Variants in PCCA observed in about 807,000 individuals in gnomAD.
PCCA encodes propionyl-CoA carboxylase subunit alpha.
Under a neutral mutation model 101.3 loss-of-function variants are expected in PCCA, and 74 were observed. The observed-to-expected ratio is 0.73, with a 90% confidence interval of 0.61 to 0.89. The LOEUF (loss-of-function observed/expected upper bound fraction) is 0.89. Ranked by LOEUF, PCCA falls within the 40% of genes least tolerant of loss-of-function variation. The probability of loss-of-function intolerance (pLI) is 0.00; values close to 1 mark genes in which losing one functional copy is unlikely to be tolerated. For missense variants in PCCA, 891 were observed against 907.0 expected, an observed-to-expected ratio of 0.98 and a Z score of 0.23; for synonymous variants, 294 against 313.6, an observed-to-expected ratio of 0.94 and a Z score of 0.66.
intron 2 of PCCA, among the ~76,000 whole-genome samples, chr13:100,103,792 C>T (rs1185587700): frequency 4.0e-5 from 6 of 151,858 alleles, no homozygotes; most frequent in Admixed American, 1.3e-4. Flanking sequence ...CGCCCCACCA[C>T]GCCCGTCTAA....
chr13:100,418,081 C>T (rs569178614), intron 19 of PCCA, among the ~76,000 whole-genome samples: 5 of 152,322 alleles, frequency 3.3e-5, no homozygotes, highest in African/African-American at 1.2e-4. Context: ...TGTATTTTCT[C>T]TCCATCCACA....
Position 100,370,121 on chromosome 13 carries a change from G to A in PCCA, c.1746+1547G>A, listed in dbSNP as rs371337620. Among the ~76,000 whole-genome samples, 224 of 110,940 alleles carry A rather than the reference G, an allele frequency of 2.0e-3. 1 individual carries two copies. Among genetic ancestry groups the A allele is most frequent in the African/African-American group, 7.3e-3 (208 of 28,334 alleles). 72.8% of individuals were successfully genotyped at this position (110,940 alleles called of 152,430 possible). A position where few individuals can be genotyped will look rare whatever the true frequency, so the allele number is the denominator to read the frequency against. On this transcript the variant is annotated intron_variant, in intron 19 of 23. Transcript: ENST00000376285. ...TTTTGAGACAGAGTCTTGCTCTGTC[G>A]CCCAGAGGCTGGAGTGCAGTGGCAT...
chr13:100,437,184 C>T (rs563895746), intron 20 of PCCA, among the ~76,000 whole-genome samples: 22 of 152,286 alleles, frequency 1.4e-4, no homozygotes, highest in Admixed American at 7.2e-4. Context: ...TCTCACTGTC[C>T]GTTGCTGGGT....
chr13:100,301,784 G>A (rs1179265859), intron 13 of PCCA, among the ~76,000 whole-genome samples, 181 bp downstream of exon 13: 1 of 152,174 alleles, frequency 6.6e-6, no homozygotes, highest in Non-Finnish European at 1.5e-5. Context: ...TAGTTTTAAA[G>A]AATTGGGCTT....
chr13:100,371,244 G>A (rs1248095366), intron 19 of PCCA, among the ~76,000 whole-genome samples: 1 of 152,134 alleles, frequency 6.6e-6, no homozygotes, highest in Non-Finnish European at 1.5e-5. Flanking sequence ...AAAAAGGAAA[G>A]TTGCAACAAT....
At chr13:100,390,845 G>C (rs1012042241) in intron 19 of PCCA, among the ~76,000 whole-genome samples, 2 of 152,218 alleles carry the variant, frequency 1.3e-5, no homozygotes, top group African/African-American at 2.4e-5. Flanking sequence ...ATGCGGACAA[G>C]TGGAGTGAAT....
chr13:100,314,495 C>T (rs192902872), intron 16 of PCCA, among the ~76,000 whole-genome samples: 1 of 152,126 alleles, frequency 6.6e-6, no homozygotes, highest in Non-Finnish European at 1.5e-5. Flanking sequence ...AAGTTCCAAC[C>T]CCTTAATCAC....
chr13:100,104,829 G>T (rs1464177986), intron 2 of PCCA, among the ~76,000 whole-genome samples: 1 of 151,794 alleles, frequency 6.6e-6, no homozygotes, highest in Non-Finnish European at 1.5e-5. Context: ...TCAGCCTCCC[G>T]AGTAGCTGGG....
At chr13:100,126,230 A>G (rs189940438) in intron 4 of PCCA, among the ~76,000 whole-genome samples, 6 of 152,326 alleles carry the variant, frequency 3.9e-5, no homozygotes, top group African/African-American at 1.2e-4. Flanking sequence ...CCTTATATGT[A>G]TAAAAATAGA....
intron 19 of PCCA, among the ~76,000 whole-genome samples, chr13:100,369,563 T>C (rs1053504722): frequency 6.6e-6 from 1 of 152,196 alleles, no homozygotes; most frequent in African/African-American, 2.4e-5. Context: ...GCTGACATTC[T>C]TGTGTGGTGT....
At chr13:100,159,301 G>T (rs1017820942) in intron 6 of PCCA, among the ~76,000 whole-genome samples, 1 of 151,752 alleles carries the variant, frequency 6.6e-6, no homozygotes, top group Non-Finnish European at 1.5e-5. Context: ...ATTTTAGTCA[G>T]GCTGGTCTTG....
chr13:100,486,874 G>C (rs9513759), intron 21 of PCCA, among the ~76,000 whole-genome samples: 38,007 of 152,110 alleles, frequency 0.25, 4,897 homozygotes, highest in African/African-American at 0.28. Context: ...AGCTGTGATC[G>C]TACCACTGCA....
intron 6 of PCCA, among the ~76,000 whole-genome samples, chr13:100,201,738 T>C (rs1057262223): frequency 1.3e-5 from 2 of 151,488 alleles, no homozygotes; most frequent in Non-Finnish European, 2.9e-5. Flanking sequence ...ATGCCTGTAA[T>C]CCCAGCTACT....
At chr13:100,422,098 C>CT (rs776002344) in intron 19 of PCCA, among the ~76,000 whole-genome samples, 1 of 123,356 alleles carries the variant, frequency 8.1e-6, no homozygotes, top group South Asian at 2.5e-4. Flanking sequence ...TTCTTTCTTT[C>CT]TTTCTTTCTT....
At chr13:100,297,336 T>C (rs1475487052) in intron 12 of PCCA, among the ~76,000 whole-genome samples, 2 of 152,222 alleles carry the variant, frequency 1.3e-5, no homozygotes, top group African/African-American at 4.8e-5. Context: ...TAGTTTGTAT[T>C]TAGTGAGGAA....
At chr13:100,326,569 A>G (rs1421164897) in intron 16 of PCCA, among the ~76,000 whole-genome samples, 1 of 152,152 alleles carries the variant, frequency 6.6e-6, no homozygotes, top group East Asian at 1.9e-4. Context: ...AAAATTACAA[A>G]GTATATTCAT....
intron 6 of PCCA, among the ~76,000 whole-genome samples, chr13:100,189,017 C>T (rs1174711236): frequency 6.6e-6 from 1 of 152,034 alleles, no homozygotes; most frequent in Non-Finnish European, 1.5e-5. Flanking sequence ...AGGTATTTCT[C>T]GTAATCCTAT....
At chr13:100,345,575 G>A (rs1315954184) in intron 18 of PCCA, among the ~76,000 whole-genome samples, 1 of 152,230 alleles carries the variant, frequency 6.6e-6, no homozygotes, top group Middle Eastern at 3.2e-3. Flanking sequence ...AGGGGAAGCT[G>A]CAAGTGCTGA....
At chr13:100,176,016 A>G (rs573062105) in intron 6 of PCCA, among the ~76,000 whole-genome samples, 11 of 152,312 alleles carry the variant, frequency 7.2e-5, no homozygotes, top group South Asian at 6.2e-4. Context: ...TCGTTATGCA[A>G]TGAGTTTTCA....
Sources: gnomAD v4.1 joint callset for allele counts (sites outside exome capture counted in the v4.1 genomes callset) on GRCh38, gnomAD v4.1.1 for gene constraint, MANE v1.5 for transcripts, NCBI Gene and HGNC (gene_info 2026-07-23, HGNC 2026-07-21) for gene names.